PLCB4: variants seen among roughly 807,000 people sequenced by gnomAD.
PLCB4 encodes phospholipase C beta 4.
A neutral mutation model predicts 178.8 loss-of-function variants in PLCB4; 77 were observed. The observed-to-expected ratio is 0.43, with a 90% CI of 0.36 to 0.52. The LOEUF (loss-of-function observed/expected upper bound fraction) is 0.52. Among genes scored for constraint, PLCB4 ranks in the 20% least tolerant of loss-of-function variants. PLCB4 has a pLI of 0.00. For missense variants in PLCB4, 1,024 were observed against 1,453.4 expected, an observed-to-expected ratio of 0.70 and a Z score of 4.80; for synonymous variants, 496 against 490.8, an observed-to-expected ratio of 1.01 and a Z score of -0.14.
chr20:9,367,412 T>C (rs372435888), intron 9 of PLCB4, among the ~76,000 whole-genome samples: 3 of 152,186 alleles, frequency 2.0e-5, no homozygotes, highest in South Asian at 4.1e-4. Flanking sequence ...CTTTAGAAGA[T>C]TGAAAAAAGC....
chr20:9,452,218 C>G (rs1233112874), intron 32 of PLCB4, among the ~76,000 whole-genome samples: 1 of 152,130 alleles, frequency 6.6e-6, no homozygotes, highest in East Asian at 1.9e-4. Context: ...TTAAGGAAGT[C>G]TTGGTAAAGA....
intron 2 of PLCB4, among the ~76,000 whole-genome samples, chr20:9,122,266 T>C (rs918517019): frequency 1.3e-5 from 2 of 152,126 alleles, no homozygotes; most frequent in African/African-American, 4.8e-5. Flanking sequence ...ACTATAACTA[T>C]AACTCGATGT....
intron 3 of PLCB4, among the ~76,000 whole-genome samples, chr20:9,245,213 A>T (rs748511560): frequency 6.6e-6 from 1 of 152,204 alleles, no homozygotes; most frequent in African/African-American, 2.4e-5. Context: ...GCACCAAGTC[A>T]CTTCTGCTGC....
At chr20:9,111,298 T>C (rs1333093684) in intron 2 of PLCB4, among the ~76,000 whole-genome samples, 3 of 152,134 alleles carry the variant, frequency 2.0e-5, no homozygotes, top group African/African-American at 7.2e-5. Flanking sequence ...TGGATCTTAT[T>C]TGGTTTTTGT....
chr20:9,405,580 A>G (rs760310874), intron 21 of PLCB4, among the ~76,000 whole-genome samples: 11 of 152,226 alleles, frequency 7.2e-5, no homozygotes, highest in Non-Finnish European at 1.0e-4. Context: ...TCATCAGCAT[A>G]TTGAATTTGA....
At chr20:9,216,417 C>T (rs1045607315) in intron 2 of PLCB4, among the ~76,000 whole-genome samples, 16 of 152,094 alleles carry the variant, frequency 1.1e-4, no homozygotes, top group Non-Finnish European at 2.4e-4. Flanking sequence ...CGGGGTTTCA[C>T]CATGTTAGCC....
intron 3 of PLCB4, among the ~76,000 whole-genome samples, chr20:9,285,466 TCTC>T (rs2094529113): frequency 6.6e-6 from 1 of 151,990 alleles, no homozygotes; most frequent in Non-Finnish European, 1.5e-5. Context: ...ATAGTATAGT[TCTC>T]CTCATAGTAG....
At chr20:9,135,634 C>T (rs897404546) in intron 2 of PLCB4, among the ~76,000 whole-genome samples, 5 of 152,026 alleles carry the variant, frequency 3.3e-5, no homozygotes, top group Non-Finnish European at 4.4e-5. Context: ...GATGTTTATG[C>T]AAGGTTTGTG....
rs1192324665 is a variant in PLCB4 at position 9,280,995 on chromosome 20, G to A, written c.-15-26805G>A. Among the ~76,000 whole-genome samples, 3 of 150,652 alleles carry A rather than the reference G, an allele frequency of 2.0e-5. No individual in the cohort carries two copies. In the East Asian group the frequency reaches 5.9e-4, roughly 29 times the overall value. ...ATACCACATTTATGTAATAAATACTGTTTTGAAAGTTTCTCTGAAATTAGT... is the reference window on the plus strand; with the variant it reads ...ATACCACATTTATGTAATAAATACTATTTTGAAAGTTTCTCTGAAATTAGT... On this transcript the variant is annotated intron_variant, in intron 3 of 39. Transcript: ENST00000378473.
At chr20:9,181,273 G>A (rs934943656) in intron 2 of PLCB4, among the ~76,000 whole-genome samples, 7 of 152,290 alleles carry the variant, frequency 4.6e-5, no homozygotes, top group East Asian at 1.9e-4. Flanking sequence ...GTTATGAGGT[G>A]TCTGTCAGAT....
chr20:9,473,887 C>A (rs956419674), intron 38 of PLCB4, among the ~76,000 whole-genome samples: 6 of 152,016 alleles, frequency 3.9e-5, no homozygotes, highest in African/African-American at 1.4e-4. Flanking sequence ...TTTTTCCCTG[C>A]AAGACAAGAC....
chr20:9,274,707 T>G (rs985477195), intron 3 of PLCB4, among the ~76,000 whole-genome samples: 2 of 152,046 alleles, frequency 1.3e-5, no homozygotes, highest in African/African-American at 4.8e-5. Context: ...GAAACTGTGT[T>G]TCTCTTGAGA....
intron 2 of PLCB4, among the ~76,000 whole-genome samples, chr20:9,199,364 T>C (rs2093513405): frequency 6.6e-6 from 1 of 152,204 alleles, no homozygotes; most frequent in Non-Finnish European, 1.5e-5. Flanking sequence ...ATTCATTCAA[T>C]AAGCATTTAT....
At chr20:9,414,493 G>T (rs1188836105) in intron 25 of PLCB4, among the ~76,000 whole-genome samples, 2 of 152,212 alleles carry the variant, frequency 1.3e-5, no homozygotes, top group African/African-American at 2.4e-5. Context: ...GCCCCTTTGG[G>T]CTGAGTCTGA....
intron 32 of PLCB4, among the ~76,000 whole-genome samples, chr20:9,449,549 T>G (rs2042625388): frequency 6.6e-6 from 1 of 152,182 alleles, no homozygotes; most frequent in African/African-American, 2.4e-5. Context: ...CTGAATTTCC[T>G]GATCTTTTAC....
intron 2 of PLCB4, among the ~76,000 whole-genome samples, chr20:9,178,145 C>G (rs2093185492): frequency 6.6e-6 from 1 of 152,056 alleles, no homozygotes; most frequent in Non-Finnish European, 1.5e-5. Flanking sequence ...ATGGTGAAAC[C>G]ACGTCTCCAC....
At chr20:9,216,731 C>T (rs1007988053) in intron 2 of PLCB4, among the ~76,000 whole-genome samples, 7 of 151,930 alleles carry the variant, frequency 4.6e-5, no homozygotes. Flanking sequence ...GAACTCCACT[C>T]CTGAGGCAAG....
chr20:9,156,827 C>CCCTG (rs2092797050), intron 2 of PLCB4, among the ~76,000 whole-genome samples: 1 of 54,602 alleles, frequency 1.8e-5, no homozygotes, highest in Non-Finnish European at 3.7e-5. Flanking sequence ...TTGCCTCCCT[C>CCCTG]CCTCCCTCCC....
At chr20:9,130,457 G>A (rs539210264) in intron 2 of PLCB4, among the ~76,000 whole-genome samples, 6 of 152,284 alleles carry the variant, frequency 3.9e-5, no homozygotes, top group African/African-American at 1.2e-4. Flanking sequence ...TAATTGCTGT[G>A]TCGTCTAGCT....
Sources: gnomAD v4.1 joint callset for allele counts (sites outside exome capture counted in the v4.1 genomes callset) on GRCh38, gnomAD v4.1.1 for gene constraint, MANE v1.5 for transcripts, NCBI Gene and HGNC (gene_info 2026-07-23, HGNC 2026-07-21) for gene names.